Variants in EFHD2 observed in about 807,000 individuals in gnomAD.
EFHD2 encodes the protein EF-hand domain family member D2.
Under a neutral mutation model 20.3 loss-of-function variants are expected in EFHD2, and 12 were observed. The ratio of observed to expected loss-of-function variants is 0.59; its 90% CI spans 0.38 to 0.96. The LOEUF is 0.96. EFHD2 is among the 40% of genes least tolerant of loss of function. The pLI, the probability that EFHD2 is intolerant of heterozygous loss-of-function variation, is 0.00. For synonymous variants in EFHD2, 131 were observed against 143.9 expected (o/e 0.91, Z 0.64); for missense variants, 250 against 334.3 (o/e 0.75, Z 1.97).
chr1:15,422,346 C>T (rs1015811432), intron 1 of EFHD2, among the ~76,000 whole-genome samples: 1 of 151,846 alleles, frequency 6.6e-6, no homozygotes. Context: ...CTGCCTCAGC[C>T]TCCCAAAGCG....
intron 2 of EFHD2, 67 bp from the exon 3 acceptor site, chr1:15,427,083 G>C: frequency 6.4e-7 from 1 of 1,570,244 alleles, no homozygotes; most frequent in South Asian, 1.2e-5. Context: ...GCCTGGGTGC[G>C]GCCAGGGACT....
At chr1:15,418,535 G>C (rs554040981) in intron 1 of EFHD2, among the ~76,000 whole-genome samples, 27 of 149,462 alleles carry the variant, frequency 1.8e-4, no homozygotes, top group Non-Finnish European at 3.6e-4. Flanking sequence ...TCAATCTCCT[G>C]ACCTTGTGAT....
Position 15,410,088 on chromosome 1 carries a change from G to T in EFHD2, c.117G>T (p.Gly39=). The change falls in exon 1 of 4, where the codon GGG becomes GGT. Residue 39 remains glycine (G), a synonymous_variant. Coordinates refer to ENST00000375980, the MANE Select transcript of EFHD2 (RefSeq NM_024329.6). ...GLNGAAAAAA[G]APDEAAEALG... Reference sequence around the variant, plus strand: ...ACGGGGCAGCGGCGGCGGCGGCGGGGGCACCCGACGAGGCGGCCGAGGCGC... The same window carrying T: ...ACGGGGCAGCGGCGGCGGCGGCGGGTGCACCCGACGAGGCGGCCGAGGCGC... 1 of 1,421,140 alleles carries T rather than the reference G, an allele frequency of 7.0e-7. No homozygotes were observed. Among genetic ancestry groups the T allele is most frequent in the Non-Finnish European group, 9.1e-7 (1 of 1,092,900 alleles). The allele number at this position is 1,421,140 out of a possible 1,614,324, so 88.0% of individuals were successfully genotyped here.
intron 1 of EFHD2, 92 bp downstream of exon 1, chr1:15,410,371 G>C: frequency 7.0e-7 from 1 of 1,418,926 alleles, no homozygotes; most frequent in Non-Finnish European, 9.3e-7. Flanking sequence ...TCCGCCCCGG[G>C]AGCCTGCCGT....
intron 1 of EFHD2, among the ~76,000 whole-genome samples, chr1:15,418,040 A>C (rs1570765215): frequency 8.3e-6 from 1 of 119,842 alleles, no homozygotes; most frequent in African/African-American, 3.2e-5. Flanking sequence ...CCCAGGCTGG[A>C]GTGCAGTGGC....
chr1:15,427,300 G>A lies in EFHD2; in HGVS notation c.591+16G>A. On this transcript the variant is annotated intron_variant, in intron 3 of 3. Transcript: ENST00000375980. The stretch of plus-strand genomic sequence containing the variant: ...TGAGGCCAAGGTGAGGAGCCCAAGG[G>A]GTGCCCTGACCCACGCTCCAGGACA... 3 of 1,600,638 alleles carry A rather than the reference G, an allele frequency of 1.9e-6. No homozygotes were observed. The highest frequency in any genetic ancestry group is 2.6e-6 in the Non-Finnish European group (3 of 1,174,250).
intron 1 of EFHD2, among the ~76,000 whole-genome samples, chr1:15,411,459 T>C (rs566419610): frequency 6.6e-6 from 1 of 152,238 alleles, no homozygotes; most frequent in African/African-American, 2.4e-5. Context: ...CATCCCTGGG[T>C]CCCACTCTGT....
chr1:15,410,826 T>C (rs1267218438), intron 1 of EFHD2, among the ~76,000 whole-genome samples: 1 of 149,670 alleles, frequency 6.7e-6, no homozygotes, highest in Non-Finnish European at 1.5e-5. Flanking sequence ...CCTTAAGGTC[T>C]TTTCGTTTCC....
chr1:15,410,830 C>G (rs1006199111), intron 1 of EFHD2, among the ~76,000 whole-genome samples: 7 of 148,400 alleles, frequency 4.7e-5, no homozygotes, highest in Non-Finnish European at 1.0e-4. Flanking sequence ...AAGGTCTTTT[C>G]GTTTCCTCTG....
chr1:15,419,580 T>A (rs978329096), intron 1 of EFHD2, among the ~76,000 whole-genome samples: 2 of 152,224 alleles, frequency 1.3e-5, no homozygotes, highest in Admixed American at 6.5e-5. Flanking sequence ...TGCAGTCTGC[T>A]GGCTGTGTGA....
intron 3 of EFHD2, among the ~76,000 whole-genome samples, chr1:15,427,677 G>A (rs891376272): frequency 2.6e-5 from 4 of 152,150 alleles, no homozygotes; most frequent in East Asian, 3.9e-4. Context: ...GGAAGCCTGC[G>A]GGCTCAGAGA....
intron 1 of EFHD2, among the ~76,000 whole-genome samples, chr1:15,414,473 C>T (rs1278547907): frequency 6.6e-6 from 1 of 152,250 alleles, no homozygotes; most frequent in Non-Finnish European, 1.5e-5. Flanking sequence ...GGGGGACCCA[C>T]GTTACAGGGT....
chr1:15,418,430 C>G (rs1320280837), intron 1 of EFHD2, among the ~76,000 whole-genome samples: 1 of 151,062 alleles, frequency 6.6e-6, no homozygotes, highest in Non-Finnish European at 1.5e-5. Context: ...CTCAGCCTCC[C>G]GAGTAGCTGG....
intron 3 of EFHD2, 150 bp downstream of exon 3, chr1:15,427,434 C>G: frequency 7.1e-7 from 1 of 1,404,896 alleles, no homozygotes; most frequent in Non-Finnish European, 9.5e-7. Flanking sequence ...GGCCCACACG[C>G]TCTGTCTTCT....
intron 1 of EFHD2, among the ~76,000 whole-genome samples, chr1:15,420,985 T>C (rs917649037): frequency 5.3e-5 from 8 of 152,160 alleles, no homozygotes; most frequent in African/African-American, 1.9e-4. Context: ...TTAGGAATAA[T>C]AATAACTGGT....
chr1:15,424,183 GAAA>G (rs796607296), intron 1 of EFHD2, among the ~76,000 whole-genome samples: 9 of 112,088 alleles, frequency 8.0e-5, no homozygotes, highest in African/African-American at 2.7e-4. Flanking sequence ...GTCTCAAAAA[GAAA>G]AAAAAAAAAA....
rs141510239 is a variant in EFHD2, at chr1:15,416,386, G to C, written c.308+6107G>C. On this transcript the variant is annotated intron_variant, in intron 1 of 3. Transcript: ENST00000375980. Reference sequence around the variant, plus strand: ...CAGCAGGGAAGGTCCCCACACCCTGGAGCAGCTGAGTTCCCCTGACTGCCG... The same window carrying C: ...CAGCAGGGAAGGTCCCCACACCCTGCAGCAGCTGAGTTCCCCTGACTGCCG... Among the ~76,000 whole-genome samples, 21 of 152,290 alleles carry C rather than the reference G, an allele frequency of 1.4e-4. 1 individual carries two copies. The highest frequency in any genetic ancestry group is 5.1e-4 in the African/African-American group (21 of 41,560).
chr1:15,423,237 C>T (rs1460838076), intron 1 of EFHD2, among the ~76,000 whole-genome samples: 6 of 152,230 alleles, frequency 3.9e-5, no homozygotes, highest in Non-Finnish European at 8.8e-5. Context: ...CTTCTACTGT[C>T]ACAGAGGTGG....
At chr1:15,427,640 A>AC (rs778867571) in intron 3 of EFHD2, among the ~76,000 whole-genome samples, 9 of 152,230 alleles carry the variant, frequency 5.9e-5, no homozygotes, top group Non-Finnish European at 1.3e-4. Flanking sequence ...CCCGGTAGAC[A>AC]CCAATCCCAC....
Sources: gnomAD v4.1 joint callset for allele counts (sites outside exome capture counted in the v4.1 genomes callset) on GRCh38, gnomAD v4.1.1 for gene constraint, MANE v1.5 for transcripts, NCBI Gene and HGNC (gene_info 2026-07-23, HGNC 2026-07-21) for gene names.